AKAP19: variants seen among roughly 807,000 people sequenced by gnomAD.
AKAP19 encodes small A-kinase anchoring protein.
At chr2:190,156,168 T>A in the AKAP19 span, among the ~76,000 whole-genome samples, 3 of 152,102 alleles carry the variant, frequency 2.0e-5, no homozygotes, top group Non-Finnish European at 4.4e-5. Flanking sequence ...GTAGACCCAG[T>A]ACATGTGGAT....
the AKAP19 span, among the ~76,000 whole-genome samples, chr2:189,987,180 A>G: frequency 1.3e-5 from 2 of 152,102 alleles, no homozygotes; most frequent in Admixed American, 6.6e-5. Context: ...CGGTCTTTCC[A>G]TGCTATTCTT....
the AKAP19 span, among the ~76,000 whole-genome samples, chr2:190,042,958 G>A: frequency 6.6e-6 from 1 of 152,128 alleles, no homozygotes; most frequent in Non-Finnish European, 1.5e-5. Flanking sequence ...AAGAAGTTTA[G>A]TTTGGCTGGA....
At chr2:189,894,943 A>G in the AKAP19 span, among the ~76,000 whole-genome samples, 1 of 151,788 alleles carries the variant, frequency 6.6e-6, no homozygotes, top group African/African-American at 2.4e-5. Context: ...TTAGAATCAA[A>G]TATAAAATAT....
chr2:190,101,867 A>G, the AKAP19 span, among the ~76,000 whole-genome samples: 3 of 151,998 alleles, frequency 2.0e-5, no homozygotes, highest in Non-Finnish European at 2.9e-5. Flanking sequence ...TTGACAAAAT[A>G]CCCCCACCCA....
chr2:189,883,507 G>GTTTTTTTTTT, the AKAP19 span, among the ~76,000 whole-genome samples: 2 of 123,774 alleles, frequency 1.6e-5, no homozygotes, highest in African/African-American at 5.7e-5. Context: ...GTTTCTTCCT[G>GTTTTTTTTTT]TTTTTTTTTT....
At chr2:190,051,493 C>T in the AKAP19 span, among the ~76,000 whole-genome samples, 1 of 152,180 alleles carries the variant, frequency 6.6e-6, no homozygotes, top group Non-Finnish European at 1.5e-5. Flanking sequence ...TATTCATAGT[C>T]CACACACCTG....
chr2:190,190,816 G>A, the AKAP19 span, among the ~76,000 whole-genome samples: 5 of 152,212 alleles, frequency 3.3e-5, no homozygotes, highest in African/African-American at 7.2e-5. Flanking sequence ...TCATTTTGGT[G>A]AACAAGTCTA....
chr2:190,103,954 A>G, the AKAP19 span, among the ~76,000 whole-genome samples: 1 of 152,254 alleles, frequency 6.6e-6, no homozygotes, highest in Non-Finnish European at 1.5e-5. Context: ...AGGTCACAGT[A>G]ACCAAAACAG....
At chr2:190,163,358 T>C in the AKAP19 span, among the ~76,000 whole-genome samples, 34 of 151,212 alleles carry the variant, frequency 2.2e-4, no homozygotes, top group East Asian at 1.8e-3. Flanking sequence ...GGCATGAACC[T>C]GGGAGGCAGA....
At chr2:190,195,374 T>C in the AKAP19 span, among the ~76,000 whole-genome samples, 2 of 146,790 alleles carry the variant, frequency 1.4e-5, no homozygotes, top group African/African-American at 4.9e-5. Flanking sequence ...AGTAAGAATG[T>C]TTCACTTTCT....
chr2:189,904,895 A>G, the AKAP19 span, among the ~76,000 whole-genome samples: 1 of 152,052 alleles, frequency 6.6e-6, no homozygotes, highest in Admixed American at 6.6e-5. Context: ...ATCATCTGAC[A>G]AGAATATTCG....
the AKAP19 span, among the ~76,000 whole-genome samples, chr2:189,993,691 GTTAT>G: frequency 6.6e-6 from 1 of 151,910 alleles, no homozygotes; most frequent in East Asian, 1.9e-4. Flanking sequence ...CTCATTACTT[GTTAT>G]TTGTCTGTTC....
At chr2:190,049,336 T>G in the AKAP19 span, among the ~76,000 whole-genome samples, 2 of 152,086 alleles carry the variant, frequency 1.3e-5, no homozygotes, top group Non-Finnish European at 2.9e-5. Flanking sequence ...GCAATGAAAC[T>G]CATGATCTGA....
chr2:190,111,878 A>G, the AKAP19 span, among the ~76,000 whole-genome samples: 27 of 151,870 alleles, frequency 1.8e-4, 1 homozygote, highest in East Asian at 1.7e-3. Flanking sequence ...ATTCAACATC[A>G]TGGTTTTTTT....
the AKAP19 span, among the ~76,000 whole-genome samples, chr2:189,915,380 A>C: frequency 6.6e-6 from 1 of 152,110 alleles, no homozygotes; most frequent in African/African-American, 2.4e-5. Context: ...ACTTTTATTA[A>C]ATGACATTCC....
At chr2:189,973,021 T>G in the AKAP19 span, among the ~76,000 whole-genome samples, 1 of 152,218 alleles carries the variant, frequency 6.6e-6, no homozygotes, top group African/African-American at 2.4e-5. Flanking sequence ...AACACTATGT[T>G]GAATAGGAGT....
the AKAP19 span, among the ~76,000 whole-genome samples, chr2:189,968,450 G>A: frequency 1.3e-5 from 2 of 152,098 alleles, no homozygotes; most frequent in Non-Finnish European, 2.9e-5. Flanking sequence ...ATATTGCCCA[G>A]GCTGGTCTTC....
chr2:190,193,223 A>AT, the AKAP19 span, among the ~76,000 whole-genome samples: 12 of 151,898 alleles, frequency 7.9e-5, no homozygotes, highest in East Asian at 3.9e-4. Flanking sequence ...TGATCATCTG[A>AT]TTTTTTTTAT....
At chr2:190,051,636 G>C in the AKAP19 span, among the ~76,000 whole-genome samples, 3,402 of 152,084 alleles carry the variant, frequency 0.022, 67 homozygotes, top group Non-Finnish European at 0.034. Context: ...ATCTCTTTAG[G>C]TTTGCATCAG....
Sources: gnomAD v4.1 joint callset for allele counts (sites outside exome capture counted in the v4.1 genomes callset) on GRCh38, gnomAD v4.1.1 for gene constraint, MANE v1.5 for transcripts, NCBI Gene and HGNC (gene_info 2026-07-23, HGNC 2026-07-21) for gene names.